KCNMA1: variants seen among roughly 807,000 people sequenced by gnomAD.
The protein encoded by KCNMA1 is potassium calcium-activated channel subfamily M alpha 1, also known as Calcium-activated potassium channel subunit alpha-1.
Under a neutral mutation model 140.0 loss-of-function variants are expected in KCNMA1, and 29 were observed. The observed-to-expected ratio is 0.21, with a 90% CI of 0.15 to 0.28. The LOEUF is 0.28. Among genes scored for constraint, KCNMA1 ranks in the 10% least tolerant of loss-of-function variants. The pLI, the probability that KCNMA1 is intolerant of heterozygous loss-of-function variation, is 1.00. For synonymous variants in KCNMA1, 612 were observed against 611.9 expected (o/e 1.00, Z 0.00); for missense variants, 880 against 1,602.2 (o/e 0.55, Z 7.70).
chr10:77,585,032 C>G (rs1173401244), intron 1 of KCNMA1, among the ~76,000 whole-genome samples: 1 of 152,210 alleles, frequency 6.6e-6, no homozygotes, highest in Admixed American at 6.5e-5. Flanking sequence ...TACCCTTCTC[C>G]AAGCTGTCCC....
intron 10 of KCNMA1, among the ~76,000 whole-genome samples, chr10:77,089,984 T>G (rs1211269577): frequency 1.3e-5 from 2 of 152,176 alleles, no homozygotes; most frequent in Non-Finnish European, 2.9e-5. Flanking sequence ...TCCTCTTAAG[T>G]TGGTGTCTTG....
chr10:77,506,139 G>T (rs376315735), intron 1 of KCNMA1, among the ~76,000 whole-genome samples: 1 of 152,128 alleles, frequency 6.6e-6, no homozygotes, highest in South Asian at 2.1e-4. Flanking sequence ...GAGTGATGGG[G>T]TGAATCACTC....
At chr10:77,502,708 C>T (rs927898547) in intron 1 of KCNMA1, among the ~76,000 whole-genome samples, 4 of 152,158 alleles carry the variant, frequency 2.6e-5, no homozygotes, top group Admixed American at 6.5e-5. Context: ...CACCCTTTGT[C>T]ATCAGGCAAG....
At chr10:77,185,961 T>G (rs2098846457) in intron 3 of KCNMA1, among the ~76,000 whole-genome samples, 1 of 152,074 alleles carries the variant, frequency 6.6e-6, no homozygotes, top group Admixed American at 6.5e-5. Flanking sequence ...ACACTTTAGC[T>G]AAAGGGAAGC....
At chr10:77,039,302 C>T in intron 15 of KCNMA1, 1 of 602,648 alleles carries the variant, frequency 1.7e-6, no homozygotes, top group Non-Finnish European at 3.0e-6. Context: ...GAATTCAAGT[C>T]CAAGACTCTC....
At chr10:77,593,013 C>A (rs2079700985) in intron 1 of KCNMA1, among the ~76,000 whole-genome samples, 1 of 152,202 alleles carries the variant, frequency 6.6e-6, no homozygotes, top group South Asian at 2.1e-4. Flanking sequence ...TTAGTTCCTA[C>A]TTTCTCCTCT....
At chr10:77,111,038 C>T (rs913908012) in intron 7 of KCNMA1, among the ~76,000 whole-genome samples, 2 of 152,180 alleles carry the variant, frequency 1.3e-5, no homozygotes, top group African/African-American at 2.4e-5. Context: ...GTTTTGTGGG[C>T]GACACAGGTC....
At position 77,138,388 on chromosome 10, in the gene KCNMA1, T is replaced by C. The variant is rs987092977; in HGVS notation, c.809-17340A>G. ...ATCCTCTCACCTCAGCCTCCCAACA[T>C]GCTGGGATTATAGGCATAAGCCATT... On this transcript the variant is annotated intron_variant, in intron 5 of 27. Coordinates refer to ENST00000286628, the MANE Select transcript of KCNMA1 (RefSeq NM_001161352.2). Among the ~76,000 whole-genome samples, 4 of 152,156 alleles carry C rather than the reference T, an allele frequency of 2.6e-5. No homozygotes were observed. In the South Asian group the frequency reaches 8.3e-4, roughly 31 times the overall value.
In KCNMA1 at chr10:76,953,920, C is replaced by T. The variant is rs200641613; in HGVS notation, c.2365G>A (p.Asp789Asn). Residue 789 changes from aspartate to asparagine, a missense_variant, in exon 21 of 28, where the codon GAC (aspartate) becomes AAC (asparagine). Around this residue, in one of 13 missense-constraint regions of KCNMA1, gnomAD observed 196 missense variants for 233.0 expected, o/e 0.84. Transcript: ENST00000286628. ...PNTSPKLMRH[D>N]PLLIPGNDQI... ...TCATTGCCAGGAATTAACAAGGGGT[C>T]ATGCCTGGGAAGAAAAGGACAGGAA... is the stretch of plus-strand genomic sequence containing the variant. 1.2e-6 allele frequency: 2 copies of T among 1,614,070 alleles called. No individual in the cohort carries two copies. Among genetic ancestry groups the T allele is most frequent in the Non-Finnish European group, 1.7e-6 (2 of 1,179,952 alleles).
intron 5 of KCNMA1, among the ~76,000 whole-genome samples, chr10:77,142,029 A>G (rs1243551711): frequency 1.3e-5 from 2 of 152,198 alleles, no homozygotes; most frequent in Non-Finnish European, 2.9e-5. Context: ...GTGAAACAAT[A>G]TATCATAACT....
At chr10:77,038,381 T>C (rs1054657991) in intron 15 of KCNMA1, among the ~76,000 whole-genome samples, 2 of 152,164 alleles carry the variant, frequency 1.3e-5, no homozygotes. Flanking sequence ...CTCAGCCCAG[T>C]GAGCTCCCAG....
rs562465626 is a variant in KCNMA1, at chr10:77,100,244, C to T, written c.1223+8237G>A. Among the ~76,000 whole-genome samples, 5 of 152,230 alleles carry T rather than the reference C, an allele frequency of 3.3e-5. No homozygotes were observed. The South Asian group carries it at 1.0e-3, about 32-fold the overall frequency. On this transcript the variant is annotated intron_variant, in intron 9 of 27. Transcript: ENST00000286628. ...GCCAATATGTTAGAATGGGAGTTTTCCTAAGGCTGTTCTATACACTAGCTG... is the reference window on the plus strand; with the variant it reads ...GCCAATATGTTAGAATGGGAGTTTTTCTAAGGCTGTTCTATACACTAGCTG...
intron 29 of KCNMA1, among the ~76,000 whole-genome samples, chr10:76,879,791 G>T (rs2033849773): frequency 6.6e-6 from 1 of 152,172 alleles, no homozygotes; most frequent in African/African-American, 2.4e-5. Flanking sequence ...ATGCATTTGT[G>T]GAAACCAATT....
rs762091573 is a variant in KCNMA1, at chr10:77,108,624, G to A, written c.1132-52C>T. 24 of 1,379,670 alleles carry A rather than the reference G, an allele frequency of 1.7e-5. No individual in the cohort carries two copies. Among genetic ancestry groups the A allele is most frequent in the Non-Finnish European group, 2.4e-5 (23 of 971,212 alleles). 85.5% of individuals were successfully genotyped at this position (1,379,670 alleles called of 1,614,324 possible). On this transcript the variant is annotated intron_variant, in intron 8 of 27. Coordinates refer to ENST00000286628, the MANE Select transcript of KCNMA1 (RefSeq NM_001161352.2). This position sits in a 1 kb window ranked among gnomAD's most constrained non-coding sequence, Gnocchi z 4.6. ...ACTAAAAAGACAGGCCAAAGAAAAG[G>A]GGGGACCTGTTCAGAGGGTGGGGGC...
chr10:77,440,716 A>G (rs2097377344), intron 1 of KCNMA1, among the ~76,000 whole-genome samples: 1 of 152,232 alleles, frequency 6.6e-6, no homozygotes, highest in African/African-American at 2.4e-5. Flanking sequence ...AGTTGGAGGA[A>G]GCCTGGGAGG....
Position 77,051,454 on chromosome 10 carries a change from A to C in KCNMA1, c.1750-11817T>G, listed in dbSNP as rs564416777. ...GAAGCGCCAGCTTTATTGTGTATTC[A>C]TTGTTATCTGGACAATCTCTTGTCA... On this transcript the variant is annotated intron_variant, in intron 14 of 27. Coordinates refer to ENST00000286628, the MANE Select transcript of KCNMA1 (RefSeq NM_001161352.2). 5.9e-5 allele frequency among the ~76,000 whole-genome samples: 9 copies of C among 152,286 alleles called. No homozygotes were observed. The East Asian group carries it at 1.7e-3, about 29-fold the overall frequency.
At chr10:77,591,746 C>A (rs2079243091) in intron 1 of KCNMA1, among the ~76,000 whole-genome samples, 1 of 152,176 alleles carries the variant, frequency 6.6e-6, no homozygotes, top group Admixed American at 6.5e-5. Flanking sequence ...GCCTGGATCG[C>A]ACATGCCCAT....
At chr10:77,467,605 C>T (rs528507765) in intron 1 of KCNMA1, among the ~76,000 whole-genome samples, 46 of 152,352 alleles carry the variant, frequency 3.0e-4, no homozygotes, top group African/African-American at 7.2e-4. Context: ...TTTCCACCAG[C>T]GCCTGCATTT....
rs2097243337 is a variant in KCNMA1, at chr10:77,108,392, C to A, written c.1223+89G>T. On this transcript the variant is annotated intron_variant, in intron 9 of 27. Transcript: ENST00000286628. The surrounding 1 kb of genome is among the most constrained non-coding windows in gnomAD (Gnocchi z 4.6). ...GCAAACATTGCCTACATGCATGAAA[C>A]AAAGAAACAAGAGCCAAAAAAAAAA... The A allele has an allele frequency of 1.7e-5, 27 of 1,550,080 alleles. No individual in the cohort carries two copies. Among genetic ancestry groups the A allele is most frequent in the Non-Finnish European group, 2.3e-5 (27 of 1,156,680 alleles).
Sources: allele counts gnomAD v4.1 joint callset (sites outside exome capture counted in the v4.1 genomes callset), GRCh38; gene constraint gnomAD v4.1.1; regional missense constraint gnomAD v4.1.1; non-coding constraint Gnocchi (gnomAD v3.1); transcripts MANE v1.5; gene names NCBI Gene and HGNC (gene_info 2026-07-23, HGNC 2026-07-21).